The following PIK3R1 variants were observed in gnomAD, a reference collection of about 807,000 sequenced individuals.
PIK3R1 encodes the protein phosphoinositide-3-kinase regulatory subunit 1, also known as phosphatidylinositol 3-kinase regulatory subunit alpha.
In PIK3R1, 29 loss-of-function variants were observed where a neutral mutation model predicts 98.0. That is an observed-to-expected ratio of 0.30 (90% CI 0.22 to 0.40). PIK3R1 has a LOEUF of 0.40. Ranked by LOEUF, PIK3R1 falls within the 10% of genes least tolerant of loss-of-function variation. The probability of loss-of-function intolerance (pLI) is 1.00; values close to 1 mark genes in which losing one functional copy is unlikely to be tolerated. For synonymous variants in PIK3R1, 282 were observed against 311.8 expected (o/e 0.90, Z 1.01); for missense variants, 596 against 872.7 (o/e 0.68, Z 3.99).
Position 68,262,927 on chromosome 5 carries a change from G to A in PIK3R1, c.335-10463G>A, listed in dbSNP as rs796877549. 3.0e-4 allele frequency among the ~76,000 whole-genome samples: 21 copies of A among 70,956 alleles called. 1 individual carries two copies. The highest frequency in any genetic ancestry group is 5.8e-4 in the Non-Finnish European group (20 of 34,248). 46.5% of individuals were successfully genotyped at this position (70,956 alleles called of 152,430 possible). A position where few individuals can be genotyped will look rare whatever the true frequency, so the allele number is the denominator to read the frequency against. On this transcript the variant is annotated intron_variant, in intron 2 of 15. Coordinates refer to ENST00000521381, the MANE Select transcript of PIK3R1 (RefSeq NM_181523.3). ...TACATGTAGATACATGTAGATACAT[G>A]TATACATATATACATGTAGATACAT...
chr5:68,236,339 T>G (rs1421328393), intron 2 of PIK3R1, among the ~76,000 whole-genome samples: 5 of 152,006 alleles, frequency 3.3e-5, no homozygotes, highest in African/African-American at 1.2e-4. Context: ...AAGCTCCGCC[T>G]CCTGGGTTCA....
At chr5:68,219,497 G>A (rs1396345937) in intron 1 of PIK3R1, among the ~76,000 whole-genome samples, 1 of 152,208 alleles carries the variant, frequency 6.6e-6, no homozygotes, top group Non-Finnish European at 1.5e-5. Context: ...ATCAAGGGCT[G>A]TACCATGAGG....
rs1748012138 is a variant in PIK3R1 at position 68,301,010 on chromosome 5, G to A, written c.*3409G>A. 1 of 232,688 alleles carries A rather than the reference G, an allele frequency of 4.3e-6. No homozygotes were observed. Among genetic ancestry groups the A allele is most frequent in the Non-Finnish European group, 8.5e-6 (1 of 117,626 alleles). The allele number at this position is 232,688 out of a possible 1,614,324, so 14.4% of individuals were successfully genotyped here. On this transcript the variant is annotated 3_prime_UTR_variant, in exon 16 of 16. Coordinates refer to ENST00000521381, the MANE Select transcript of PIK3R1 (RefSeq NM_181523.3). ...ATAGCTGGTTATGAACTAGTAACAT[G>A]TTTGGGAAGTCCTACTGATGTTCCT...
intron 1 of PIK3R1, among the ~76,000 whole-genome samples, chr5:68,221,074 C>T (rs985659009): frequency 2.6e-5 from 4 of 152,186 alleles, no homozygotes; most frequent in African/African-American, 9.7e-5. Context: ...GTTATAAACT[C>T]GAGTTTGGCC....
At chr5:68,279,530 G>C in intron 4 of PIK3R1, 72 bp from the exon 5 acceptor site, 1 of 1,073,730 alleles carries the variant, frequency 9.3e-7, no homozygotes, top group Non-Finnish European at 1.3e-6. Flanking sequence ...GAGTCAAATT[G>C]TTCAGAAAAT....
In PIK3R1 at chr5:68,288,382, G is replaced by C. The variant is rs143667799; in HGVS notation, c.917-3877G>C. The stretch of plus-strand genomic sequence containing the variant: ...ATGAAGCTGCGATCTTTATCTAAGG[G>C]AGACGTGCGAGCGCCTGGGCTCCTT... On this transcript the variant is annotated intron_variant, in intron 7 of 15. Transcript: ENST00000521381. The C allele has an allele frequency of 0.014, 16,283 of 1,134,068 alleles. 153 individuals are homozygous for C. The highest frequency in any genetic ancestry group is 0.021 in the Middle Eastern group (60 of 2,812). 70.3% of individuals were successfully genotyped at this position (1,134,068 alleles called of 1,614,324 possible).
chr5:68,237,742 C>T (rs1181674441), intron 2 of PIK3R1, among the ~76,000 whole-genome samples: 1 of 151,826 alleles, frequency 6.6e-6, no homozygotes, highest in East Asian at 1.9e-4. Context: ...ATATTCTTAA[C>T]ACATAAAACT....
intron 2 of PIK3R1, among the ~76,000 whole-genome samples, chr5:68,232,134 TG>T (rs1307159636): frequency 6.6e-6 from 1 of 152,246 alleles, no homozygotes; most frequent in Non-Finnish European, 1.5e-5. Context: ...CTAATTATTT[TG>T]AATAAAATCA....
At position 68,228,272 on chromosome 5, in the gene PIK3R1, A is replaced by G. The variant is rs146257610; in HGVS notation, c.334+1263A>G. Among the ~76,000 whole-genome samples, 179 of 152,336 alleles carry G rather than the reference A, an allele frequency of 1.2e-3. 5 individuals carry two copies. The East Asian group carries it at 0.028, about 24-fold the overall frequency. ...AATAAGACAATGAGAACAGAGAAAC[A>G]GAATGCAAGGGTAAGAGCTGCCTTT... On this transcript the variant is annotated intron_variant, in intron 2 of 15. Coordinates refer to ENST00000521381, the MANE Select transcript of PIK3R1 (RefSeq NM_181523.3).
At chr5:68,216,532 G>A (rs1442643833) in intron 1 of PIK3R1, among the ~76,000 whole-genome samples, 1 of 152,210 alleles carries the variant, frequency 6.6e-6, no homozygotes, top group Non-Finnish European at 1.5e-5. Context: ...CCGGGGTGGG[G>A]GAAGTGCGCC....
chr5:68,281,040 TG>T (rs1225441514), intron 7 of PIK3R1, 34 bp downstream of exon 7: 1 of 1,442,262 alleles, frequency 6.9e-7, no homozygotes, highest in Non-Finnish European at 9.6e-7. Flanking sequence ...ATTCTCTCAT[TG>T]TTCATTTTTT....
intron 2 of PIK3R1, among the ~76,000 whole-genome samples, chr5:68,264,520 G>A (rs992798813): frequency 4.6e-5 from 7 of 152,210 alleles, no homozygotes; most frequent in African/African-American, 1.4e-4. Context: ...AATGGGGACA[G>A]TGATAATTTC....
chr5:68,296,051 G>T, intron 14 of PIK3R1, 120 bp from the exon 15 acceptor site: 1 of 936,828 alleles, frequency 1.1e-6, no homozygotes, highest in African/African-American at 1.7e-5. Flanking sequence ...GTGATGGCCA[G>T]TCTGACTGGC....
At chr5:68,284,978 G>A (rs540208802) in intron 7 of PIK3R1, among the ~76,000 whole-genome samples, 3 of 152,248 alleles carry the variant, frequency 2.0e-5, no homozygotes, top group African/African-American at 7.2e-5. Context: ...TTAACTTGTC[G>A]TTTGGCTTTC....
chr5:68,287,561 G>A (rs368386225), intron 7 of PIK3R1, among the ~76,000 whole-genome samples: 102 of 152,302 alleles, frequency 6.7e-4, no homozygotes, highest in African/African-American at 2.4e-3. Flanking sequence ...CTATGCTCAT[G>A]CAACTGAAAA....
chr5:68,295,443 G>A lies in PIK3R1; in HGVS notation c.1769G>A (p.Arg590Gln), dbSNP rs771674865. 3.7e-6 allele frequency: 6 copies of A among 1,614,084 alleles called. No homozygotes were observed. Among genetic ancestry groups the A allele is most frequent in the Middle Eastern group, 1.6e-4 (1 of 6,062 alleles). ...YLMWLTQKGVRQKKLNEWLGN... is the reference protein window; with the variant it reads ...YLMWLTQKGVQQKKLNEWLGN... The stretch of plus-strand genomic sequence containing the variant: ...AGGTGGTTGACTCAAAAAGGTGTTC[G>A]GCAAAAGAAGTTGAACGAGTGGTTG... Residue 590 changes from arginine (R) to glutamine (Q), a missense_variant, in exon 14 of 16, where the codon CGG becomes CAG. Physicochemically the swap from Arg to Gln is conservative, Grantham distance 43. Coordinates refer to ENST00000521381, the MANE Select transcript of PIK3R1 (RefSeq NM_181523.3).
At chr5:68,253,930 A>C (rs1745415532) in intron 2 of PIK3R1, among the ~76,000 whole-genome samples, 1 of 150,006 alleles carries the variant, frequency 6.7e-6, no homozygotes, top group Admixed American at 6.7e-5. Context: ...ATGTATATCC[A>C]CTCCAAGAAA....
At chr5:68,267,372 A>T (rs1746163572) in intron 2 of PIK3R1, among the ~76,000 whole-genome samples, 3 of 152,240 alleles carry the variant, frequency 2.0e-5, no homozygotes, top group Admixed American at 2.0e-4. Context: ...TTGTCTAGAA[A>T]TAAAACGAAT....
At chr5:68,282,665 T>C (rs1012412284) in intron 7 of PIK3R1, among the ~76,000 whole-genome samples, 1 of 152,178 alleles carries the variant, frequency 6.6e-6, no homozygotes, top group Non-Finnish European at 1.5e-5. Context: ...CTGCACTATT[T>C]TCATAATGCC....
Sources: gnomAD v4.1 joint callset for allele counts (sites outside exome capture counted in the v4.1 genomes callset) on GRCh38, gnomAD v4.1.1 for gene constraint, MANE v1.5 for transcripts, NCBI Gene and HGNC (gene_info 2026-07-23, HGNC 2026-07-21) for gene names.